FKBP5: variants seen among roughly 807,000 people sequenced by gnomAD.
FKBP5 encodes FKBP prolyl isomerase 5, also known as peptidyl-prolyl cis-trans isomerase FKBP5.
A neutral mutation model predicts 50.5 loss-of-function variants in FKBP5; 23 were observed. The ratio of observed to expected loss-of-function variants is 0.46; its 90% CI spans 0.33 to 0.65. The LOEUF (loss-of-function observed/expected upper bound fraction) is 0.65, where lower values mean the gene tolerates loss of function less well. Among genes scored for constraint, FKBP5 ranks in the 30% least tolerant of loss-of-function variants. FKBP5 has a pLI of 0.02. For synonymous variants in FKBP5, 176 were observed against 190.6 expected (o/e 0.92, Z 0.63); for missense variants, 411 against 553.1 (o/e 0.74, Z 2.58).
At chr6:35,581,165 G>C in intron 8 of FKBP5, 14 of 981,888 alleles carry the variant, frequency 1.4e-5, no homozygotes, top group Non-Finnish European at 1.7e-5. Context: ...TAGGCAATGG[G>C]AATATGAATA....
At chr6:35,715,152 G>T (rs757519415) in intron 2 of FKBP5, among the ~76,000 whole-genome samples, 42 of 152,190 alleles carry the variant, frequency 2.8e-4, no homozygotes, top group South Asian at 8.3e-4. Flanking sequence ...CACCCGCCTT[G>T]GCCTCCCAAA....
chr6:35,638,041 A>G (rs542148428), intron 2 of FKBP5, among the ~76,000 whole-genome samples: 1 of 152,282 alleles, frequency 6.6e-6, no homozygotes, highest in South Asian at 2.1e-4. Flanking sequence ...TTGATATGAT[A>G]CTGAATAACT....
intron 5 of FKBP5, among the ~76,000 whole-genome samples, chr6:35,617,837 C>T (rs9368878): frequency 0.65 from 99,495 of 152,012 alleles, 32,961 homozygotes; most frequent in Non-Finnish European, 0.7. Context: ...TAATTTGCTC[C>T]GGGAGGGAAG....
At chr6:35,644,249 G>C (rs1390020227) in intron 1 of FKBP5, among the ~76,000 whole-genome samples, 1 of 152,142 alleles carries the variant, frequency 6.6e-6, no homozygotes, top group African/African-American at 2.4e-5. Flanking sequence ...ATTCCACACT[G>C]CTCCCTGTTT....
At chr6:35,685,779 C>T (rs1214297662) in intron 1 of FKBP5, among the ~76,000 whole-genome samples, 3 of 151,790 alleles carry the variant, frequency 2.0e-5, no homozygotes, top group Non-Finnish European at 2.9e-5. Flanking sequence ...GTCAGGAGTT[C>T]GAGACCAGCC....
intron 8 of FKBP5, chr6:35,584,833 C>A: frequency 1.0e-6 from 1 of 985,372 alleles, no homozygotes; most frequent in Non-Finnish European, 1.2e-6. Flanking sequence ...GACTGCTGAT[C>A]CAGATTTTAT....
chr6:35,594,147 G>A (rs1171851002), intron 6 of FKBP5, among the ~76,000 whole-genome samples: 1 of 151,982 alleles, frequency 6.6e-6, no homozygotes, highest in African/African-American at 2.4e-5. Context: ...TTGAGCCCAA[G>A]AGTTTGAGAC....
At chr6:35,653,465 A>G (rs547146065) in intron 1 of FKBP5, among the ~76,000 whole-genome samples, 11 of 152,342 alleles carry the variant, frequency 7.2e-5, no homozygotes, top group East Asian at 5.8e-4. Flanking sequence ...TTGACGATAC[A>G]TATGATGGCT....
chr6:35,639,968 G>A (rs1236620485), intron 2 of FKBP5, among the ~76,000 whole-genome samples: 1 of 152,204 alleles, frequency 6.6e-6, no homozygotes, highest in Non-Finnish European at 1.5e-5. Flanking sequence ...TGTGACTAAA[G>A]CCACTTAACC....
At chr6:35,576,662 C>T (rs1762225332) in intron 10 of FKBP5, among the ~76,000 whole-genome samples, 1 of 132,224 alleles carries the variant, frequency 7.6e-6, no homozygotes, top group Non-Finnish European at 1.6e-5. Context: ...GAGTGAGACT[C>T]TGACTCGGGC....
chr6:35,630,191 AGC>A (rs1554134051), intron 3 of FKBP5, among the ~76,000 whole-genome samples: 18 of 151,642 alleles, frequency 1.2e-4, no homozygotes, highest in African/African-American at 4.4e-4. Context: ...AGAGAGAGAG[AGC>A]GAGCGAACAC....
chr6:35,727,326 G>A (rs1188607466), intron 1 of FKBP5, among the ~76,000 whole-genome samples: 6 of 152,222 alleles, frequency 3.9e-5, no homozygotes, highest in African/African-American at 4.8e-5. Context: ...TCCACAGAAG[G>A]ATGGGTAAGG....
chr6:35,578,489 T>TG (rs1762299688), intron 9 of FKBP5, among the ~76,000 whole-genome samples: 1 of 152,042 alleles, frequency 6.6e-6, no homozygotes, highest in Non-Finnish European at 1.5e-5. Context: ...AGAAAATTGC[T>TG]GGGTTGTGGT....
At chr6:35,624,237 G>A (rs1374830273) in intron 3 of FKBP5, among the ~76,000 whole-genome samples, 1 of 152,180 alleles carries the variant, frequency 6.6e-6, no homozygotes, top group East Asian at 1.9e-4. Context: ...GGATCATAGG[G>A]AGGCCATATT....
At chr6:35,705,249 TATATATA>T (rs1561903713) in intron 2 of FKBP5, among the ~76,000 whole-genome samples, 12 of 4,132 alleles carry the variant, frequency 2.9e-3, no homozygotes, top group South Asian at 0.025. Context: ...TATATATATA[TATATATA>T]TATTTTTTTT....
intron 2 of FKBP5, among the ~76,000 whole-genome samples, chr6:35,698,512 T>C (rs1766123116): frequency 6.6e-6 from 1 of 151,574 alleles, no homozygotes; most frequent in African/African-American, 2.4e-5. Context: ...CCGGGCTTGG[T>C]GGCAGGAGCC....
chr6:35,679,939 TTATAAA>T (rs1765623624), intron 1 of FKBP5, among the ~76,000 whole-genome samples: 1 of 151,990 alleles, frequency 6.6e-6, no homozygotes, highest in Non-Finnish European at 1.5e-5. Flanking sequence ...ATTTAAAAAC[TTATAAA>T]TAAAAATATA....
At chr6:35,690,456 A>G (rs929148689), upstream of FKBP5, among the ~76,000 whole-genome samples, 20 of 150,988 alleles carry the variant, frequency 1.3e-4, no homozygotes, top group African/African-American at 4.6e-4. Context: ...CAAGAGCGAG[A>G]CTCCATTCTA....
At position 35,660,144 on chromosome 6, in the gene FKBP5, A is replaced by G. The variant is rs115264868; in HGVS notation, c.-19-17301T>C. Among the ~76,000 whole-genome samples the G allele has an allele frequency of 6.1e-3, 515 of 84,102 alleles. 179 individuals carry two copies. Among genetic ancestry groups the G allele is most frequent in the African/African-American group, 0.018 (490 of 27,278 alleles). The allele number at this position is 84,102 out of a possible 152,430, so 55.2% of individuals were successfully genotyped here. Reference sequence around the variant, plus strand: ...TGACCTGTGGGCTTCTTAGGAATACATTAGTTTCTAAATATTTAATAATTT... The same window carrying G: ...TGACCTGTGGGCTTCTTAGGAATACGTTAGTTTCTAAATATTTAATAATTT... On this transcript the variant is annotated intron_variant, in intron 1 of 10. Coordinates refer to ENST00000357266, the MANE Select transcript of FKBP5 (RefSeq NM_004117.4).
Sources: allele counts gnomAD v4.1 joint callset (sites outside exome capture counted in the v4.1 genomes callset), GRCh38; gene constraint gnomAD v4.1.1; transcripts MANE v1.5; gene names NCBI Gene and HGNC (gene_info 2026-07-23, HGNC 2026-07-21).